The following DYDC2 variants were observed in gnomAD, a reference collection of about 807,000 sequenced individuals.
The protein encoded by DYDC2 is DPY30 domain-containing protein 2.
DYDC2 carries 19 observed loss-of-function variants against 18.7 expected under a neutral mutation model. The ratio of observed to expected loss-of-function variants is 1.02; its 90% confidence interval spans 0.71 to 1.49. The LOEUF is 1.49. DYDC2 is among the 40% of genes most tolerant of loss of function. DYDC2 has a pLI of 0.00. For missense variants in DYDC2, 179 were observed against 205.1 expected (o/e 0.87, Z 0.78); for synonymous variants, 63 against 67.6 (o/e 0.93, Z 0.34).
intron 1 of DYDC2, among the ~76,000 whole-genome samples, chr10:80,346,341 C>T (rs767705959): frequency 6.6e-6 from 1 of 151,710 alleles, no homozygotes; most frequent in Non-Finnish European, 1.5e-5. Flanking sequence ...TGAAATACAC[C>T]CATACCATTT....
chr10:80,357,970 G>A lies in DYDC2; in HGVS notation c.-85G>A. 1.0e-6 allele frequency: 1 copy of A among 985,398 alleles called. No individual in the cohort carries two copies. Among genetic ancestry groups the A allele is most frequent in the Non-Finnish European group, 1.2e-6 (1 of 829,914 alleles). The allele number at this position is 985,398 out of a possible 1,614,324, so 61.0% of individuals were successfully genotyped here. A position where few individuals can be genotyped will look rare whatever the true frequency, so the allele number is the denominator to read the frequency against. ...ATTCTTATCACCTTGCCTACTGAGT[G>A]CAAGTCCAGGAACTGTGTAAGCAGA... On this transcript the variant is annotated 5_prime_UTR_variant, in exon 2 of 5. Transcript: ENST00000256039.
chr10:80,351,928 G>C (rs759371906), upstream of DYDC2: 1 of 1,614,088 alleles, frequency 6.2e-7, no homozygotes. Flanking sequence ...CCTCTGCTTT[G>C]AGCCTCTCCA....
rs1032729095 is a variant in DYDC2, at chr10:80,346,444, C to CTTTTTTTTTTTTTTTT, written c.-310+1641_-310+1656dup. 6.5e-3 allele frequency among the ~76,000 whole-genome samples: 546 copies of CTTTTTTTTTTTTTTTT among 83,370 alleles called. 76 individuals carry two copies. The highest frequency in any genetic ancestry group is 0.017 in the African/African-American group (344 of 20,116). 54.7% of individuals were successfully genotyped at this position (83,370 alleles called of 152,430 possible). On this transcript the variant is annotated intron_variant, in intron 1 of 4. Coordinates refer to the DYDC2 transcript ENST00000372197. ...TCACCAATGTGTGTCTCTTCCCTTT[C>CTTTTTTTTTTTTTTTT]TTTTTTTTTTTTTTTTTTTTTTTTT... is the stretch of plus-strand genomic sequence containing the variant.
At chr10:80,355,181 T>C (rs1446079047), upstream of DYDC2, among the ~76,000 whole-genome samples, 1 of 151,774 alleles carries the variant, frequency 6.6e-6, no homozygotes, top group Non-Finnish European at 1.5e-5. Context: ...GGAATGAGCA[T>C]GGCAATTACA....
intron 2 of DYDC2, among the ~76,000 whole-genome samples, chr10:80,360,501 C>G (rs72815345): frequency 5.3e-5 from 8 of 152,072 alleles, no homozygotes; most frequent in Admixed American, 1.3e-4. Flanking sequence ...TCTCAAGATC[C>G]TTAATTTAAT....
chr10:80,365,974 T>C (rs553092474), intron 4 of DYDC2, among the ~76,000 whole-genome samples: 48 of 151,980 alleles, frequency 3.2e-4, no homozygotes, highest in Admixed American at 8.5e-4. Context: ...TTATAATAGC[T>C]GTCCTTGTCT....
intron 2 of DYDC2, among the ~76,000 whole-genome samples, chr10:80,360,388 T>C (rs1487965564): frequency 2.6e-5 from 4 of 152,332 alleles, no homozygotes; most frequent in African/African-American, 9.6e-5. Flanking sequence ...TTTTCTCCCT[T>C]GGCTCTGTCA....
chr10:80,365,001 T>TATA (rs1843782947), intron 4 of DYDC2, among the ~76,000 whole-genome samples: 1 of 152,222 alleles, frequency 6.6e-6, no homozygotes, highest in Non-Finnish European at 1.5e-5. Flanking sequence ...TCCTTGCTAT[T>TATA]GGTCACCTTC....
Position 80,366,700 on chromosome 10 carries a change from G to A in DYDC2, c.283G>A (p.Glu95Lys), listed in dbSNP as rs769766790. Residue 95 changes from glutamate to lysine, a missense_variant, in exon 5 of 5, where the codon GAA becomes AAA. Physicochemically the swap from Glu to Lys is moderately conservative, Grantham distance 56. Transcript: ENST00000256039. ...GTTTTCTATTTAGGAACTGACTTCT[G>A]AAACTGTTTCCACGAAGAAGACCAT... ...CEKCHKELTS[E>K]TVSTKKTIFM... 3 of 1,602,670 alleles carry A rather than the reference G, an allele frequency of 1.9e-6. No homozygotes were observed. The South Asian group carries it at 3.4e-5, about 18-fold the overall frequency.
chr10:80,358,849 C>T (rs1843561843), intron 2 of DYDC2, among the ~76,000 whole-genome samples: 1 of 152,112 alleles, frequency 6.6e-6, no homozygotes, highest in South Asian at 2.1e-4. Flanking sequence ...GCGGCGTGTC[C>T]AGAGTTCGTT....
At chr10:80,366,383 T>C (rs985781039) in intron 4 of DYDC2, among the ~76,000 whole-genome samples, 4 of 152,174 alleles carry the variant, frequency 2.6e-5, no homozygotes, top group African/African-American at 9.7e-5. Context: ...ATGGTTCACA[T>C]TTTCCTACTT....
At chr10:80,352,494 C>T (rs1843057494), upstream of DYDC2, 3 of 1,612,012 alleles carry the variant, frequency 1.9e-6, no homozygotes, top group East Asian at 2.2e-5. Context: ...ACTTGTAAAT[C>T]CACAATGCTA....
upstream of DYDC2, chr10:80,352,574 G>A (rs267602591): frequency 6.2e-7 from 1 of 1,610,710 alleles, no homozygotes; most frequent in Non-Finnish European, 8.5e-7. Flanking sequence ...CAGGCCCCAA[G>A]GTGCTTTTGA....
At chr10:80,346,607 C>G (rs1842655214) in intron 1 of DYDC2, among the ~76,000 whole-genome samples, 1 of 151,656 alleles carries the variant, frequency 6.6e-6, no homozygotes, top group Non-Finnish European at 1.5e-5. Flanking sequence ...ACTACAGGCG[C>G]CCGCCACCAC....
chr10:80,356,104 G>C (rs1469451931), upstream of DYDC2, among the ~76,000 whole-genome samples: 1 of 152,196 alleles, frequency 6.6e-6, no homozygotes, highest in African/African-American at 2.4e-5. Flanking sequence ...CTACCAGCGG[G>C]GCCAGGTCAG....
At chr10:80,347,439 AGCATTTTAG>A (rs1175411351) in intron 1 of DYDC2, among the ~76,000 whole-genome samples, 1 of 151,990 alleles carries the variant, frequency 6.6e-6, no homozygotes, top group Non-Finnish European at 1.5e-5. Context: ...GCTGTGCAAG[AGCATTTTAG>A]TTTGACCTAG....
chr10:80,354,003 C>A (rs1843177639), upstream of DYDC2, among the ~76,000 whole-genome samples: 1 of 151,894 alleles, frequency 6.6e-6, no homozygotes, highest in African/African-American at 2.4e-5. Context: ...GTAGTCCCAG[C>A]TACTTGGGAG....
chr10:80,352,739 G>T, upstream of DYDC2: 2 of 1,174,094 alleles, frequency 1.7e-6, no homozygotes, highest in Non-Finnish European at 2.2e-6. Context: ...CCCATTGGGG[G>T]TGTCACAAGC....
chr10:80,357,547 G>A (rs1440567687), intron 1 of DYDC2, among the ~76,000 whole-genome samples: 1 of 152,156 alleles, frequency 6.6e-6, no homozygotes, highest in African/African-American at 2.4e-5. Flanking sequence ...GACCGTCACT[G>A]CAAGCTGCTA....
Sources: allele counts gnomAD v4.1 joint callset (sites outside exome capture counted in the v4.1 genomes callset), GRCh38; gene constraint gnomAD v4.1.1; transcripts MANE v1.5; gene names NCBI Gene and HGNC (gene_info 2026-07-23, HGNC 2026-07-21).